The following PYGB variants were observed in gnomAD, a reference collection of about 807,000 sequenced individuals.
The protein encoded by PYGB is glycogen phosphorylase B.
Under a neutral mutation model 94.3 loss-of-function variants are expected in PYGB, and 82 were observed. That is an observed-to-expected ratio of 0.87 (90% confidence interval 0.73 to 1.04). PYGB has a LOEUF of 1.04. Ranked by LOEUF, PYGB falls within the 50% of genes least tolerant of loss-of-function variation. PYGB has a pLI of 0.00. For synonymous variants in PYGB, 488 were observed against 479.1 expected, an observed-to-expected ratio of 1.02 and a Z score of -0.24; for missense variants, 1,132 against 1,158.2, an observed-to-expected ratio of 0.98 and a Z score of 0.33.
At chr20:25,293,759 G>A (rs2088497335) in intron 17 of PYGB, 2 of 285,060 alleles carry the variant, frequency 7.0e-6, no homozygotes, top group Admixed American at 5.1e-5. Context: ...CGAGGTCCCA[G>A]CCAAGGTGCT....
intron 5 of PYGB, 128 bp downstream of exon 5, chr20:25,274,851 A>T (rs1360279704): frequency 5.0e-6 from 7 of 1,387,776 alleles, no homozygotes; most frequent in Non-Finnish European, 6.8e-6. Context: ...CTTAAGGTAA[A>T]AGCCGGGGGA....
At chr20:25,278,962 G>GGGGC in intron 8 of PYGB, 95 bp from the exon 9 acceptor site, 3 of 1,100,236 alleles carry the variant, frequency 2.7e-6, no homozygotes, top group East Asian at 3.4e-5. Context: ...GGTGGGCTGG[G>GGGGC]CTGGCTCCTT....
At chr20:25,263,831 C>T (rs2092918760) in intron 2 of PYGB, among the ~76,000 whole-genome samples, 1 of 152,184 alleles carries the variant, frequency 6.6e-6, no homozygotes, top group Non-Finnish European at 1.5e-5. Flanking sequence ...GAGGGATTCA[C>T]AGCTGAATTC....
At chr20:25,252,240 C>CTA (rs1319655901) in intron 1 of PYGB, among the ~76,000 whole-genome samples, 3 of 152,346 alleles carry the variant, frequency 2.0e-5, no homozygotes, top group Middle Eastern at 3.4e-3. Context: ...ATGGAGAAGC[C>CTA]TACAGTGTGT....
intron 11 of PYGB, 34 bp from the exon 12 acceptor site, chr20:25,281,997 GCA>G (rs749647802): frequency 1.3e-6 from 2 of 1,544,642 alleles, no homozygotes; most frequent in Non-Finnish European, 1.8e-6. Context: ...GCAGGGCACA[GCA>G]TTTGTGACAG....
At position 25,291,893 on chromosome 20, in the gene PYGB, C is replaced by G. The variant is rs150161914; in HGVS notation, c.1970-513C>G. 3.2e-3 allele frequency among the ~76,000 whole-genome samples: 483 copies of G among 152,282 alleles called. 1 individual carries two copies. Among genetic ancestry groups the G allele is most frequent in the Middle Eastern group, 0.014 (4 of 294 alleles). ...AGCGTGTCTGGGAGCGGTGACCAGT[C>G]CTGAGGGACAGGCACAGAGAAAGCG... On this transcript the variant is annotated intron_variant, in intron 16 of 19. Coordinates refer to ENST00000216962, the MANE Select transcript of PYGB (RefSeq NM_002862.4).
intron 1 of PYGB, among the ~76,000 whole-genome samples, chr20:25,252,865 T>C (rs1600719113): frequency 6.6e-6 from 1 of 152,250 alleles, no homozygotes; most frequent in African/African-American, 2.4e-5. Flanking sequence ...TCACTGGAGG[T>C]TGGGGCTGGC....
At chr20:25,265,057 T>C (rs2088205051) in intron 2 of PYGB, among the ~76,000 whole-genome samples, 1 of 152,200 alleles carries the variant, frequency 6.6e-6, no homozygotes, top group Admixed American at 6.5e-5. Flanking sequence ...CAAAACAGCA[T>C]GGTACTGGTA....
intron 3 of PYGB, among the ~76,000 whole-genome samples, chr20:25,270,271 G>A (rs6083790): frequency 7.5e-5 from 11 of 145,898 alleles, no homozygotes; most frequent in African/African-American, 2.6e-4. Context: ...GGGTGATCTC[G>A]GCTCACTGCA....
intron 3 of PYGB, 28 bp from the exon 4 acceptor site, chr20:25,271,355 C>T: frequency 6.2e-7 from 1 of 1,607,926 alleles, no homozygotes; most frequent in Non-Finnish European, 8.5e-7. Flanking sequence ...GCCTTTGATT[C>T]TGACTGATTT....
chr20:25,274,372 G>A (rs1216562812), intron 4 of PYGB, among the ~76,000 whole-genome samples: 2 of 152,334 alleles, frequency 1.3e-5, no homozygotes, highest in Middle Eastern at 3.4e-3. Context: ...TTTTGGGCAC[G>A]TGTTTCTAAA....
chr20:25,254,332 T>G (rs1466446676), intron 1 of PYGB, among the ~76,000 whole-genome samples: 1 of 152,180 alleles, frequency 6.6e-6, no homozygotes, highest in Non-Finnish European at 1.5e-5. Flanking sequence ...TTAGAAGTCT[T>G]TTCAGATTAT....
At chr20:25,285,058 G>A (rs2123584548) in intron 14 of PYGB, 1 of 152,232 alleles carries the variant, frequency 6.6e-6, no homozygotes, top group Middle Eastern at 3.4e-3. Flanking sequence ...GCTCCTCCCG[G>A]GAATAGATCT....
At chr20:25,283,091 C>A in intron 12 of PYGB, 85 bp from the exon 13 acceptor site, 1 of 1,148,474 alleles carries the variant, frequency 8.7e-7, no homozygotes. Flanking sequence ...GGGGCGTGGG[C>A]AACAATGGGA....
intron 7 of PYGB, 34 bp downstream of exon 7, chr20:25,277,360 C>A: frequency 1.3e-6 from 2 of 1,521,184 alleles, no homozygotes; most frequent in Non-Finnish European, 1.8e-6. Context: ...TTGCTCAGGC[C>A]GTATCGCTTT....
At position 25,294,165 on chromosome 20, in the gene PYGB, G is replaced by A; in HGVS notation, c.2185G>A (p.Ala729Thr). ...TGGCCCATCGCCTCACAGGTACAAT[G>A]CCAGGGAGTACTACGACCACCTGCC... ...VEALDRKGYN[A>T]REYYDHLPEL... is the part of the protein sequence containing the mutation. Residue 729 changes from alanine to threonine, a missense_variant, in exon 18 of 20, where the codon GCC (alanine) becomes ACC (threonine). Ala to Thr is a moderately conservative substitution (Grantham distance 58, BLOSUM62 0). Transcript: ENST00000216962. 1 of 1,613,634 alleles carries A rather than the reference G, an allele frequency of 6.2e-7. No individual in the cohort carries two copies. Among genetic ancestry groups the A allele is most frequent in the Non-Finnish European group, 8.5e-7 (1 of 1,180,002 alleles).
intron 14 of PYGB, among the ~76,000 whole-genome samples, chr20:25,287,143 G>A (rs1385414584): frequency 6.6e-6 from 1 of 152,212 alleles, no homozygotes; most frequent in Non-Finnish European, 1.5e-5. Flanking sequence ...GGCGAGGACA[G>A]CCTGTTTGCT....
At chr20:25,287,136 G>C (rs1160364284) in intron 14 of PYGB, among the ~76,000 whole-genome samples, 2 of 152,170 alleles carry the variant, frequency 1.3e-5, no homozygotes, top group South Asian at 4.1e-4. Flanking sequence ...ATGACCTGGC[G>C]AGGACAGCCT....
At chr20:25,284,590 A>G (rs2088401274) in intron 14 of PYGB, among the ~76,000 whole-genome samples, 1 of 152,118 alleles carries the variant, frequency 6.6e-6, no homozygotes, top group Non-Finnish European at 1.5e-5. Flanking sequence ...GCACGCCACT[A>G]TGCCCTTGTA....
Sources: gnomAD v4.1 joint callset for allele counts (sites outside exome capture counted in the v4.1 genomes callset) on GRCh38, gnomAD v4.1.1 for gene constraint, MANE v1.5 for transcripts, NCBI Gene and HGNC (gene_info 2026-07-23, HGNC 2026-07-21) for gene names.